AGBL4: variants seen among roughly 807,000 people sequenced by gnomAD.
AGBL4 encodes the protein cytosolic carboxypeptidase 6.
A neutral mutation model predicts 66.4 loss-of-function variants in AGBL4; 58 were observed. The observed-to-expected ratio is 0.87, with a 90% CI of 0.71 to 1.09. AGBL4 has a LOEUF of 1.09. Ranked by LOEUF, AGBL4 falls within the 50% of genes least tolerant of loss-of-function variation. The probability of loss-of-function intolerance (pLI) is 0.00; values close to 1 mark genes in which losing one functional copy is unlikely to be tolerated. For missense variants in AGBL4, 579 were observed against 631.0 expected (o/e 0.92, Z 0.88); for synonymous variants, 234 against 222.9 (o/e 1.05, Z -0.44).
intron 1 of AGBL4, among the ~76,000 whole-genome samples, chr1:49,860,975 A>G (rs534357045): frequency 2.1e-3 from 315 of 152,262 alleles, no homozygotes; most frequent in Middle Eastern, 0.01. Context: ...AGTGGTGCAA[A>G]GAGCATCTCT....
chr1:49,518,354 C>T (rs756417855), intron 3 of AGBL4, among the ~76,000 whole-genome samples: 1 of 152,088 alleles, frequency 6.6e-6, no homozygotes, highest in African/African-American at 2.4e-5. Context: ...GACACCAAAC[C>T]CTTCTCCATT....
Position 49,555,801 on chromosome 1 carries a change from C to G in AGBL4, c.282+141512G>C, listed in dbSNP as rs192661460. ...AAATGCTCATCATCACTGGCCATCA[C>G]AGAAATGCAAATCAAAACCACAATG... On this transcript the variant is annotated intron_variant, in intron 3 of 13. Transcript: ENST00000371839. Among the ~76,000 whole-genome samples the G allele has an allele frequency of 2.8e-4, 43 of 152,068 alleles. No homozygotes were observed. In the East Asian group the frequency reaches 6.6e-3, roughly 23 times the overall value.
Position 49,135,615 on chromosome 1 carries a change from G to A in AGBL4, c.378-89815C>T, listed in dbSNP as rs148000982. Among the ~76,000 whole-genome samples the A allele has an allele frequency of 7.6e-3, 1,155 of 152,242 alleles. 18 individuals carry two copies. Among genetic ancestry groups the A allele is most frequent in the African/African-American group, 0.026 (1,092 of 41,556 alleles). On this transcript the variant is annotated intron_variant, in intron 4 of 13. Transcript: ENST00000371839. The stretch of plus-strand genomic sequence containing the variant: ...ATCACTTAATGGGAAATGAAGAGAT[G>A]GGCTGAATTAAAGGAATAGGTTGGG...
intron 3 of AGBL4, among the ~76,000 whole-genome samples, chr1:49,287,075 T>C (rs747143293): frequency 2.7e-5 from 4 of 147,040 alleles, no homozygotes; most frequent in Non-Finnish European, 4.5e-5. Context: ...TACAACTATC[T>C]GATCTTTGAC....
At chr1:49,890,317 G>A (rs917804077) in intron 1 of AGBL4, among the ~76,000 whole-genome samples, 1 of 152,142 alleles carries the variant, frequency 6.6e-6, no homozygotes, top group African/African-American at 2.4e-5. Context: ...ATAATTGAGT[G>A]CCAACTGCAA....
intron 4 of AGBL4, among the ~76,000 whole-genome samples, chr1:49,170,483 T>C (rs1460484734): frequency 6.9e-6 from 1 of 143,914 alleles, no homozygotes; most frequent in Non-Finnish European, 1.5e-5. Flanking sequence ...TATAAATTTA[T>C]ATATTTATAT....
intron 5 of AGBL4, among the ~76,000 whole-genome samples, chr1:49,030,324 C>G (rs1048238271): frequency 1.6e-4 from 24 of 152,130 alleles, no homozygotes; most frequent in Admixed American, 1.2e-3. Flanking sequence ...TATAACAAGA[C>G]AGCCGACTGA....
At chr1:48,630,010 G>C (rs1043741980) in intron 9 of AGBL4, among the ~76,000 whole-genome samples, 1 of 152,074 alleles carries the variant, frequency 6.6e-6, no homozygotes, top group African/African-American at 2.4e-5. Context: ...GTCCCTGCTG[G>C]GCGCCAGAGA....
intron 9 of AGBL4, among the ~76,000 whole-genome samples, chr1:48,604,030 G>A (rs764609424): frequency 3.3e-5 from 5 of 152,162 alleles, no homozygotes; most frequent in Non-Finnish European, 5.9e-5. Flanking sequence ...CAACCTGGGA[G>A]GCTGAGGCAC....
At chr1:49,552,473 C>T (rs548270089) in intron 3 of AGBL4, among the ~76,000 whole-genome samples, 13 of 152,304 alleles carry the variant, frequency 8.5e-5, no homozygotes, top group African/African-American at 3.1e-4. Context: ...GCTCCCAGGG[C>T]CTTTCTGCTC....
intron 3 of AGBL4, among the ~76,000 whole-genome samples, chr1:49,666,803 A>G (rs1172063021): frequency 6.6e-6 from 1 of 152,126 alleles, no homozygotes; most frequent in South Asian, 2.1e-4. Context: ...TCCTTATTTT[A>G]TAGTGAGGAG....
chr1:48,976,351 T>C (rs3122291), intron 5 of AGBL4, among the ~76,000 whole-genome samples: 89,511 of 151,940 alleles, frequency 0.59, 26,653 homozygotes, highest in Non-Finnish European at 0.63. Flanking sequence ...ATCGAATCTG[T>C]CAGTAGCAGA....
At chr1:49,878,138 G>T (rs1647083110) in intron 1 of AGBL4, among the ~76,000 whole-genome samples, 1 of 145,558 alleles carries the variant, frequency 6.9e-6, no homozygotes, top group Non-Finnish European at 1.5e-5. Context: ...TTTTTGAAGG[G>T]TTTTTTGTGT....
chr1:48,556,933 G>C (rs6701801), intron 11 of AGBL4, among the ~76,000 whole-genome samples: 154 of 152,184 alleles, frequency 1.0e-3, no homozygotes, highest in African/African-American at 3.7e-3. Flanking sequence ...AGGACTACAG[G>C]GGCATGCCAT....
chr1:49,258,930 G>T (rs569565841), intron 3 of AGBL4, among the ~76,000 whole-genome samples: 14 of 152,276 alleles, frequency 9.2e-5, no homozygotes, highest in African/African-American at 3.4e-4. Context: ...CCCACAAAGG[G>T]AAGCCCATCA....
chr1:48,785,893 C>T (rs954448652), intron 6 of AGBL4, among the ~76,000 whole-genome samples: 3 of 152,086 alleles, frequency 2.0e-5, no homozygotes, highest in Non-Finnish European at 2.9e-5. Flanking sequence ...GACAATAGGG[C>T]AACCTTCCTT....
chr1:49,081,168 CAA>C (rs1644802947), intron 4 of AGBL4, among the ~76,000 whole-genome samples: 1 of 152,060 alleles, frequency 6.6e-6, no homozygotes, highest in African/African-American at 2.4e-5. Flanking sequence ...CTCATTTGAA[CAA>C]CAAAAAAGGA....
chr1:48,596,748 A>G (rs1207439189), intron 9 of AGBL4, among the ~76,000 whole-genome samples: 1 of 152,132 alleles, frequency 6.6e-6, no homozygotes, highest in East Asian at 1.9e-4. Flanking sequence ...CCCAGCCCAT[A>G]GCATATACAT....
intron 3 of AGBL4, among the ~76,000 whole-genome samples, chr1:49,406,957 C>T (rs971128596): frequency 3.4e-5 from 5 of 147,284 alleles, no homozygotes; most frequent in South Asian, 2.2e-4. Flanking sequence ...CCCAGCTACT[C>T]GGTAGGCTGA....
Sources: gnomAD v4.1 joint callset for allele counts (sites outside exome capture counted in the v4.1 genomes callset) on GRCh38, gnomAD v4.1.1 for gene constraint, MANE v1.5 for transcripts, NCBI Gene and HGNC (gene_info 2026-07-23, HGNC 2026-07-21) for gene names.